GUCY1A2: variants seen among roughly 807,000 people sequenced by gnomAD.
GUCY1A2 encodes the protein guanylate cyclase soluble subunit alpha-2.
In GUCY1A2, 27 loss-of-function variants were observed where a neutral mutation model predicts 63.5. The observed-to-expected ratio is 0.43, with a 90% CI of 0.31 to 0.59. The LOEUF (loss-of-function observed/expected upper bound fraction) is 0.59, where lower values mean the gene tolerates loss of function less well. Ranked by LOEUF, GUCY1A2 falls within the 20% of genes least tolerant of loss-of-function variation. The pLI is 0.11. For synonymous variants in GUCY1A2, 364 were observed against 343.5 expected (o/e 1.06, Z -0.66); for missense variants, 768 against 913.3 (o/e 0.84, Z 2.05).
rs971145716 is a variant in GUCY1A2, at chr11:106,680,095, A to C, written c.*7454T>G. The C allele has an allele frequency of 4.6e-6, 1 of 215,864 alleles. No individual in the cohort carries two copies. The highest frequency in any genetic ancestry group is 9.3e-6 in the Non-Finnish European group (1 of 107,180). 13.4% of individuals were successfully genotyped at this position (215,864 alleles called of 1,614,324 possible). A position where few individuals can be genotyped will look rare whatever the true frequency, so the allele number is the denominator to read the frequency against. ...GAGTCTCTACATCTTCCTGAATAAAAAACTAACTCTCTTTGCTTCATCTCT... is the reference window on the plus strand; with the variant it reads ...GAGTCTCTACATCTTCCTGAATAAACAACTAACTCTCTTTGCTTCATCTCT... On this transcript the variant is annotated 3_prime_UTR_variant, in exon 8 of 8. Coordinates refer to ENST00000526355, the MANE Select transcript of GUCY1A2 (RefSeq NM_000855.3).
chr11:106,863,076 A>T (rs116584833), intron 4 of GUCY1A2, among the ~76,000 whole-genome samples: 2 of 152,070 alleles, frequency 1.3e-5, no homozygotes, highest in Non-Finnish European at 2.9e-5. Flanking sequence ...AGAGATTTGT[A>T]TCGAGGCTAA....
rs1394514174 is a variant in GUCY1A2 at position 106,871,884 on chromosome 11, T to G, written c.1207-61406A>C. Among the ~76,000 whole-genome samples the G allele has an allele frequency of 2.0e-5, 3 of 152,194 alleles. No individual in the cohort carries two copies. In the East Asian group the frequency reaches 5.8e-4, roughly 29 times the overall value. On this transcript the variant is annotated intron_variant, in intron 4 of 7. Coordinates refer to ENST00000526355, the MANE Select transcript of GUCY1A2 (RefSeq NM_000855.3). Reference sequence around the variant, plus strand: ...GTATAGACAGGAAAATATTAGCTGGTTTAGGTGAATTAAACTAATTAGTCA... The same window carrying G: ...GTATAGACAGGAAAATATTAGCTGGGTTAGGTGAATTAAACTAATTAGTCA...
At position 106,700,573 on chromosome 11, in the gene GUCY1A2, C is replaced by G. The variant is rs1862802269; in HGVS notation, c.1991+7939G>C. 2.6e-5 allele frequency among the ~76,000 whole-genome samples: 4 copies of G among 152,206 alleles called. No individual in the cohort carries two copies. In the South Asian group the frequency reaches 8.3e-4, roughly 32 times the overall value. ...TAATTGGAAAAATAGAAATGTAATTCTTGAGGCACCGCTCCAGTTTATCCT... is the reference window on the plus strand; with the variant it reads ...TAATTGGAAAAATAGAAATGTAATTGTTGAGGCACCGCTCCAGTTTATCCT... On this transcript the variant is annotated intron_variant, in intron 7 of 7. Transcript: ENST00000526355.
At chr11:106,825,195 T>A (rs12800415) in intron 4 of GUCY1A2, among the ~76,000 whole-genome samples, 62,548 of 151,950 alleles carry the variant, frequency 0.41, 13,230 homozygotes, top group Admixed American at 0.51. Context: ...AACCCTTTAA[T>A]TGTAAAATAT....
At chr11:106,854,705 A>G (rs1859403687) in intron 4 of GUCY1A2, among the ~76,000 whole-genome samples, 1 of 152,210 alleles carries the variant, frequency 6.6e-6, no homozygotes, top group Admixed American at 6.5e-5. Flanking sequence ...GCCAATATGC[A>G]GGTATCCGGA....
chr11:106,946,550 A>C (rs1860831803), intron 3 of GUCY1A2, among the ~76,000 whole-genome samples: 1 of 152,128 alleles, frequency 6.6e-6, no homozygotes, highest in Admixed American at 6.6e-5. Context: ...AAACTGCAAG[A>C]AAAAAAGCAG....
Position 106,776,433 on chromosome 11 carries a change from G to A in GUCY1A2, c.1836+6C>T, listed in dbSNP as rs1447689315. On this transcript the variant is annotated splice_donor_region_variant and intron_variant, in intron 6 of 7. Coordinates refer to ENST00000526355, the MANE Select transcript of GUCY1A2 (RefSeq NM_000855.3). Reference sequence around the variant, plus strand: ...ACTACTCAAACTAGATTGTTGGGAGGGTTACCTGAATCGGTCTTCCATCAG... The same window carrying A: ...ACTACTCAAACTAGATTGTTGGGAGAGTTACCTGAATCGGTCTTCCATCAG... 5.0e-6 allele frequency: 8 copies of A among 1,610,128 alleles called. No homozygotes were observed. Among genetic ancestry groups the A allele is most frequent in the African/African-American group, 1.3e-5 (1 of 74,842 alleles).
chr11:106,900,085 C>CAA (rs35314878), intron 4 of GUCY1A2, among the ~76,000 whole-genome samples: 1,433 of 79,608 alleles, frequency 0.018, 22 homozygotes, highest in South Asian at 0.054. Flanking sequence ...GACTCCGTCT[C>CAA]AAAAAAAAAA....
intron 4 of GUCY1A2, among the ~76,000 whole-genome samples, chr11:106,863,390 T>C (rs1162223738): frequency 6.6e-6 from 1 of 152,176 alleles, no homozygotes; most frequent in Non-Finnish European, 1.5e-5. Context: ...GTTTATTAAA[T>C]AGGGAATCCT....
At chr11:106,953,254 G>A (rs1294995966) in intron 3 of GUCY1A2, among the ~76,000 whole-genome samples, 1 of 152,254 alleles carries the variant, frequency 6.6e-6, no homozygotes, top group African/African-American at 2.4e-5. Context: ...TTTTATCAAA[G>A]GCCTTTTCTG....
At chr11:106,768,878 CTAGG>C (rs1864207295) in intron 6 of GUCY1A2, among the ~76,000 whole-genome samples, 3 of 152,058 alleles carry the variant, frequency 2.0e-5, no homozygotes, top group Non-Finnish European at 4.4e-5. Flanking sequence ...CTAAGAATTC[CTAGG>C]GCAAAGACCT....
chr11:106,844,843 T>C (rs748224654), intron 4 of GUCY1A2, among the ~76,000 whole-genome samples: 2 of 151,750 alleles, frequency 1.3e-5, no homozygotes, highest in Non-Finnish European at 2.9e-5. Flanking sequence ...AACAATATCT[T>C]ACTCTTCTCT....
At chr11:107,011,928 T>C (rs1861751878) in intron 1 of GUCY1A2, among the ~76,000 whole-genome samples, 1 of 152,150 alleles carries the variant, frequency 6.6e-6, no homozygotes, top group Non-Finnish European at 1.5e-5. Context: ...CAGATTAGTT[T>C]GAATGCAGTA....
At chr11:106,774,088 G>A (rs909633960) in intron 6 of GUCY1A2, among the ~76,000 whole-genome samples, 6 of 151,886 alleles carry the variant, frequency 4.0e-5, no homozygotes, top group Admixed American at 2.0e-4. Context: ...AGTCCCCCAA[G>A]CATTTATTGA....
In GUCY1A2 at chr11:106,684,825, G is replaced by T. The variant is rs548125267; in HGVS notation, c.*2724C>A. On this transcript the variant is annotated 3_prime_UTR_variant, in exon 8 of 8. Transcript: ENST00000526355. ...AAATGCATGCTGTTGGTAATAGTTT[G>T]TAAGTAAGTGAGAATACTGTATAGA... The T allele has an allele frequency of 1.9e-5, 4 of 209,298 alleles. No individual in the cohort carries two copies. In the East Asian group the frequency reaches 2.9e-4, roughly 15 times the overall value. 13.0% of individuals were successfully genotyped at this position (209,298 alleles called of 1,614,324 possible).
chr11:106,911,635 T>A (rs1322483964), intron 4 of GUCY1A2, among the ~76,000 whole-genome samples: 3 of 152,070 alleles, frequency 2.0e-5, no homozygotes, highest in African/African-American at 7.2e-5. Flanking sequence ...TTTCACAAAA[T>A]GATACTAAGT....
chr11:106,993,204 T>C (rs1401767240), intron 1 of GUCY1A2, among the ~76,000 whole-genome samples: 1 of 152,210 alleles, frequency 6.6e-6, no homozygotes, highest in Non-Finnish European at 1.5e-5. Flanking sequence ...ACCCTTCTCA[T>C]CATCCTCCAG....
At chr11:106,724,197 G>A (rs1296173667) in intron 6 of GUCY1A2, among the ~76,000 whole-genome samples, 1 of 152,204 alleles carries the variant, frequency 6.6e-6, no homozygotes, top group East Asian at 1.9e-4. Context: ...CAAAAGGCCA[G>A]GACAGCTACT....
At chr11:106,735,196 C>T (rs74677498) in intron 6 of GUCY1A2, among the ~76,000 whole-genome samples, 11,590 of 151,998 alleles carry the variant, frequency 0.076, 1,302 homozygotes, top group African/African-American at 0.24. Flanking sequence ...TTATTCCTGA[C>T]TAGTCACCCT....
Sources: allele counts gnomAD v4.1 joint callset (sites outside exome capture counted in the v4.1 genomes callset), GRCh38; gene constraint gnomAD v4.1.1; transcripts MANE v1.5; gene names NCBI Gene and HGNC (gene_info 2026-07-23, HGNC 2026-07-21).